The following CHSY3 variants were observed in gnomAD, a reference collection of about 807,000 sequenced individuals.
CHSY3 encodes the protein chondroitin sulfate synthase 3, also known as N-acetylgalactosaminyl-proteoglycan 3-beta-glucuronosyltransferase 3.
Under a neutral mutation model 67.2 loss-of-function variants are expected in CHSY3, and 35 were observed. The ratio of observed to expected loss-of-function variants is 0.52; its 90% CI spans 0.40 to 0.69. The LOEUF is 0.69. Among genes scored for constraint, CHSY3 ranks in the 30% least tolerant of loss-of-function variants. The pLI is 0.00. For missense variants in CHSY3, 1,069 were observed against 1,138.5 expected (o/e 0.94, Z 0.88); for synonymous variants, 474 against 434.7 (o/e 1.09, Z -1.12).
At chr5:130,159,074 A>G (rs548053489) in intron 2 of CHSY3, among the ~76,000 whole-genome samples, 1 of 151,994 alleles carries the variant, frequency 6.6e-6, no homozygotes, top group Non-Finnish European at 1.5e-5. Context: ...TGCTGGGATT[A>G]CAGGCGTGAA....
chr5:130,070,569 T>C (rs1561522767), intron 2 of CHSY3, among the ~76,000 whole-genome samples: 1 of 152,124 alleles, frequency 6.6e-6, no homozygotes, highest in Non-Finnish European at 1.5e-5. Flanking sequence ...GAAATCATAA[T>C]GCAGTATTGA....
chr5:130,134,933 A>G (rs1768610606), intron 2 of CHSY3, among the ~76,000 whole-genome samples: 1 of 151,754 alleles, frequency 6.6e-6, no homozygotes, highest in African/African-American at 2.4e-5. Context: ...CAATATCAGA[A>G]TCTTAAAGCT....
intron 2 of CHSY3, among the ~76,000 whole-genome samples, chr5:129,943,777 T>A (rs1481355008): frequency 6.6e-6 from 1 of 152,234 alleles, no homozygotes; most frequent in Non-Finnish European, 1.5e-5. Context: ...ATAGATAGTA[T>A]TAAAGAGACA....
intron 2 of CHSY3, among the ~76,000 whole-genome samples, chr5:129,908,699 C>G (rs1760419136): frequency 6.6e-6 from 1 of 152,056 alleles, no homozygotes; most frequent in African/African-American, 2.4e-5. Context: ...TTTTACTCTT[C>G]TCTTTAGCTG....
intron 2 of CHSY3, among the ~76,000 whole-genome samples, chr5:130,128,644 A>G (rs76072172): frequency 0.047 from 7,181 of 152,190 alleles, 437 homozygotes; most frequent in East Asian, 0.27. Context: ...TGCTAAGAGT[A>G]CATCTTATAG....
At chr5:130,121,462 G>T (rs1421776968) in intron 2 of CHSY3, among the ~76,000 whole-genome samples, 1 of 152,080 alleles carries the variant, frequency 6.6e-6, no homozygotes, top group African/African-American at 2.4e-5. Flanking sequence ...AAAATTCAGG[G>T]CCAGAGTATA....
chr5:130,075,447 C>G (rs1036783663), intron 2 of CHSY3, among the ~76,000 whole-genome samples: 3 of 152,062 alleles, frequency 2.0e-5, no homozygotes, highest in African/African-American at 7.2e-5. Flanking sequence ...TTTGAAAGTA[C>G]CCAATGCCTT....
intron 2 of CHSY3, among the ~76,000 whole-genome samples, chr5:130,089,452 T>C (rs1766800188): frequency 6.6e-6 from 1 of 152,098 alleles, no homozygotes; most frequent in Admixed American, 6.6e-5. Context: ...TAATTAAGCA[T>C]CAAGTAACCA....
At chr5:130,012,788 G>C (rs984171639) in intron 2 of CHSY3, among the ~76,000 whole-genome samples, 10 of 151,954 alleles carry the variant, frequency 6.6e-5, no homozygotes, top group Admixed American at 5.9e-4. Context: ...ATATCATTTT[G>C]CTCCTGGCCC....
At chr5:130,051,067 A>G (rs1029219218) in intron 2 of CHSY3, among the ~76,000 whole-genome samples, 4 of 152,172 alleles carry the variant, frequency 2.6e-5, no homozygotes, top group African/African-American at 9.6e-5. Context: ...TGTTAACAAA[A>G]GAAAAACATG....
intron 2 of CHSY3, among the ~76,000 whole-genome samples, chr5:130,094,741 A>G (rs1038381937): frequency 5.3e-5 from 8 of 152,188 alleles, no homozygotes; most frequent in Non-Finnish European, 1.2e-4. Flanking sequence ...ATGAATCTTA[A>G]CTATATTACA....
chr5:130,185,871 T>C lies in CHSY3; in HGVS notation c.*80T>C. ...TGTTGTTATTTTTATTGTATTATTG[T>C]TATTTTATTATTATTATTGTTATAA... is the stretch of plus-strand genomic sequence containing the variant. On this transcript the variant is annotated 3_prime_UTR_variant, in exon 3 of 3. Transcript: ENST00000305031. The C allele has an allele frequency of 1.4e-6, 1 of 699,788 alleles. No individual in the cohort carries two copies. 43.3% of individuals were successfully genotyped at this position (699,788 alleles called of 1,614,324 possible).
At chr5:130,036,397 T>C (rs1209992163) in intron 2 of CHSY3, among the ~76,000 whole-genome samples, 1 of 152,148 alleles carries the variant, frequency 6.6e-6, no homozygotes, top group East Asian at 1.9e-4. Flanking sequence ...GCACCAAATT[T>C]AAGTATCTAA....
chr5:130,027,311 G>A (rs1051820790), intron 2 of CHSY3, among the ~76,000 whole-genome samples: 7 of 152,076 alleles, frequency 4.6e-5, no homozygotes, highest in African/African-American at 1.7e-4. Context: ...ATAGCTAGGA[G>A]GAAGAATAGC....
intron 2 of CHSY3, among the ~76,000 whole-genome samples, chr5:130,107,889 CAGAA>C (rs1767462091): frequency 1.3e-5 from 2 of 151,682 alleles, no homozygotes; most frequent in Non-Finnish European, 3.0e-5. Flanking sequence ...CTTTTCAGAG[CAGAA>C]TAGCTAAGGG....
chr5:130,185,106 T>C lies in CHSY3; in HGVS notation c.1964T>C (p.Val655Ala), dbSNP rs1030740922. The change falls in exon 3 of 3, where the codon GTC becomes GCC. Residue 655 changes from valine to alanine, a missense_variant. Transcript: ENST00000305031. ...CLIPKQNVKL[V>A]IILFSRDSGQ... The stretch of plus-strand genomic sequence containing the variant: ...ATCCCAAAGCAGAATGTAAAGTTGG[T>C]CATTATCCTTTTCAGTAGGGATTCT... 3.1e-6 allele frequency: 5 copies of C among 1,597,124 alleles called. No homozygotes were observed. The highest frequency in any genetic ancestry group is 4.3e-6 in the Non-Finnish European group (5 of 1,164,548).
At chr5:129,922,606 T>C (rs1760960971) in intron 2 of CHSY3, among the ~76,000 whole-genome samples, 1 of 152,240 alleles carries the variant, frequency 6.6e-6, no homozygotes, top group Admixed American at 6.5e-5. Flanking sequence ...CTTTTTTTTT[T>C]CATGTATCTG....
intron 2 of CHSY3, among the ~76,000 whole-genome samples, chr5:130,177,030 A>G (rs1561571276): frequency 6.6e-6 from 1 of 152,050 alleles, no homozygotes; most frequent in Non-Finnish European, 1.5e-5. Flanking sequence ...CCACATCTCT[A>G]ATAACTTCCT....
At chr5:129,940,852 A>T (rs1337790858) in intron 2 of CHSY3, among the ~76,000 whole-genome samples, 2 of 152,100 alleles carry the variant, frequency 1.3e-5, no homozygotes, top group African/African-American at 4.8e-5. Flanking sequence ...TAAAATAAGC[A>T]TTGTGTTAGA....
Sources: allele counts gnomAD v4.1 joint callset (sites outside exome capture counted in the v4.1 genomes callset), GRCh38; gene constraint gnomAD v4.1.1; transcripts MANE v1.5; gene names NCBI Gene and HGNC (gene_info 2026-07-23, HGNC 2026-07-21).